Variants in PTPN12 observed in about 807,000 individuals in gnomAD.
The protein encoded by PTPN12 is protein tyrosine phosphatase non-receptor type 12.
In PTPN12, 29 loss-of-function variants were observed where a neutral mutation model predicts 97.6. The ratio of observed to expected loss-of-function variants is 0.30; its 90% CI spans 0.22 to 0.41. PTPN12 has a LOEUF of 0.41. Among genes scored for constraint, PTPN12 ranks in the 10% least tolerant of loss-of-function variants. The pLI is 1.00. For missense variants in PTPN12, 819 were observed against 926.0 expected (o/e 0.88, Z 1.50); for synonymous variants, 327 against 300.4 (o/e 1.09, Z -0.91).
At position 77,589,241 on chromosome 7, in the gene PTPN12, A is replaced by G. The variant is rs142523107; in HGVS notation, c.421-2944A>G. Among the ~76,000 whole-genome samples the G allele has an allele frequency of 2.2e-3, 332 of 152,248 alleles. 2 individuals carry two copies. The highest frequency in any genetic ancestry group is 0.01 in the Middle Eastern group (3 of 294). On this transcript the variant is annotated intron_variant, in intron 5 of 17. Coordinates refer to ENST00000248594, the MANE Select transcript of PTPN12 (RefSeq NM_002835.4). ...CCACAGTATGTTTTGTTTGTTTCCT[A>G]TCTTCAAAACTGAGAGAAGATAATT... is the stretch of plus-strand genomic sequence containing the variant.
At chr7:77,578,874 T>C (rs932472451) in intron 2 of PTPN12, among the ~76,000 whole-genome samples, 3 of 152,162 alleles carry the variant, frequency 2.0e-5, no homozygotes, top group African/African-American at 7.2e-5. Context: ...ACTTACTAAC[T>C]ATAAAAGGGA....
chr7:77,622,971 CTAA>C (rs999772842), intron 12 of PTPN12, among the ~76,000 whole-genome samples: 7 of 143,230 alleles, frequency 4.9e-5, no homozygotes, highest in Non-Finnish European at 1.1e-4. Flanking sequence ...TGTCACTGAA[CTAA>C]TAATAGTCTA....
intron 1 of PTPN12, among the ~76,000 whole-genome samples, chr7:77,539,457 A>G (rs1260596542): frequency 2.0e-5 from 3 of 152,250 alleles, no homozygotes; most frequent in African/African-American, 7.2e-5. Context: ...TTCCCTTTTT[A>G]CTATTGAGAG....
chr7:77,566,966 A>G (rs1173685007), intron 1 of PTPN12, among the ~76,000 whole-genome samples: 1 of 151,938 alleles, frequency 6.6e-6, no homozygotes, highest in Admixed American at 6.6e-5. Flanking sequence ...ATTAATGTTT[A>G]GTGCTATTCT....
Position 77,618,504 on chromosome 7 carries a change from G to C in PTPN12, c.964G>C (p.Val322Leu), listed in dbSNP as rs9640663. 6.2e-6 allele frequency: 10 copies of C among 1,602,190 alleles called. No individual in the cohort carries two copies. Among genetic ancestry groups the C allele is most frequent in the Non-Finnish European group, 7.7e-6 (9 of 1,172,106 alleles). ...GVNEINTENMVSSIEPEKQDS... is the reference protein window; with the variant it reads ...GVNEINTENMLSSIEPEKQDS... ...GAATGAAATTAACACTGAAAACATGGTCAGCTCCATAGAGCCTGAAAAACA... is the reference window on the plus strand; with the variant it reads ...GAATGAAATTAACACTGAAAACATGCTCAGCTCCATAGAGCCTGAAAAACA... The change falls in exon 12 of 18, where the codon GTC becomes CTC. Residue 322 changes from valine to leucine, a missense_variant. By Grantham distance (32) the Val-to-Leu change is conservative. Transcript: ENST00000248594.
rs796661336 is a variant in PTPN12, at chr7:77,615,467, C to T, written c.940-3013C>T. Among the ~76,000 whole-genome samples the T allele has an allele frequency of 7.4e-4, 113 of 152,292 alleles. 1 individual carries two copies. Among genetic ancestry groups the T allele is most frequent in the African/African-American group, 2.6e-3 (107 of 41,572 alleles). ...TTAAAACAAGAGAACACAGGCTAGG[C>T]GCCGTGGCTCATTTCATGCCTATAA... On this transcript the variant is annotated intron_variant, in intron 11 of 17. Transcript: ENST00000248594.
At position 77,627,198 on chromosome 7, in the gene PTPN12, T is replaced by G. The variant is rs1789223971; in HGVS notation, c.1519T>G (p.Ser507Ala). 1.2e-6 allele frequency: 2 copies of G among 1,613,982 alleles called. No homozygotes were observed. The highest frequency in any genetic ancestry group is 2.7e-5 in the African/African-American group (2 of 74,910). ...DCSVTQSNKV[S>A]VTPPEESQNS... ...CAGTGTAACACAATCAAACAAAGTT[T>G]CAGTTACTCCACCAGAAGAATCCCA... The change falls in exon 13 of 18, where the codon TCA (serine) becomes GCA (alanine). Residue 507 changes from serine to alanine, a missense_variant. Ser to Ala is a moderately conservative substitution (Grantham distance 99, BLOSUM62 1). Coordinates refer to ENST00000248594, the MANE Select transcript of PTPN12 (RefSeq NM_002835.4).
At chr7:77,613,824 C>T (rs1192109330) in intron 11 of PTPN12, among the ~76,000 whole-genome samples, 4 of 151,830 alleles carry the variant, frequency 2.6e-5, no homozygotes, top group Admixed American at 1.3e-4. Context: ...GCAATCCATC[C>T]GCCTCAGCCT....
Position 77,597,824 on chromosome 7 carries a change from A to C in PTPN12, c.493-18A>C. On this transcript the variant is annotated intron_variant, in intron 6 of 17. Coordinates refer to ENST00000248594, the MANE Select transcript of PTPN12 (RefSeq NM_002835.4). ...TTTTAACGTTTTCACTGACTTAGAA[A>C]TGTTTCTCTTTATTTAGGAGGATGA... The C allele has an allele frequency of 6.2e-7, 1 of 1,602,636 alleles. No individual in the cohort carries two copies. Among genetic ancestry groups the C allele is most frequent in the Non-Finnish European group, 8.5e-7 (1 of 1,175,678 alleles).
chr7:77,583,029 T>C (rs1024669016), intron 3 of PTPN12, among the ~76,000 whole-genome samples: 1 of 152,160 alleles, frequency 6.6e-6, no homozygotes, highest in South Asian at 2.1e-4. Context: ...ATTGTATGAG[T>C]CAGTTATGTA....
At chr7:77,638,252 C>G (rs1028859128) in intron 16 of PTPN12, among the ~76,000 whole-genome samples, 47 of 151,998 alleles carry the variant, frequency 3.1e-4, no homozygotes, top group African/African-American at 1.1e-3. Context: ...GCCACCGCGC[C>G]TGGCCTGACC....
chr7:77,549,093 A>G (rs142289233), intron 1 of PTPN12, among the ~76,000 whole-genome samples: 25 of 152,306 alleles, frequency 1.6e-4, no homozygotes, highest in Admixed American at 9.1e-4. Flanking sequence ...CTTGTTTTCA[A>G]TTTCCTGAAG....
At chr7:77,600,302 A>C (rs1788151037) in intron 7 of PTPN12, among the ~76,000 whole-genome samples, 2 of 151,870 alleles carry the variant, frequency 1.3e-5, no homozygotes, top group African/African-American at 2.4e-5. Context: ...TTAGTTAAAT[A>C]GTATATATAG....
At chr7:77,594,667 A>G (rs1159137607) in intron 6 of PTPN12, among the ~76,000 whole-genome samples, 2 of 152,074 alleles carry the variant, frequency 1.3e-5, no homozygotes, top group African/African-American at 4.8e-5. Flanking sequence ...ATGGGCCACT[A>G]CTAATTTTTG....
intron 7 of PTPN12, among the ~76,000 whole-genome samples, chr7:77,600,017 G>A (rs1183694030): frequency 3.3e-5 from 5 of 152,164 alleles, no homozygotes; most frequent in African/African-American, 1.2e-4. Flanking sequence ...TGTATTGGCT[G>A]TTAAAGAATA....
At chr7:77,558,222 A>AAAAAG (rs1807813831) in intron 1 of PTPN12, among the ~76,000 whole-genome samples, 5 of 151,586 alleles carry the variant, frequency 3.3e-5, no homozygotes, top group African/African-American at 9.7e-5. Context: ...AAAAAAAAAA[A>AAAAAG]AAAAAGAAAA....
rs536333952 is a variant in PTPN12, at chr7:77,637,422, AG to A, written c.2173+375del. Among the ~76,000 whole-genome samples, 938 of 152,336 alleles carry A rather than the reference AG, an allele frequency of 6.2e-3. 5 individuals are homozygous for A. The highest frequency in any genetic ancestry group is 0.037 in the Middle Eastern group (11 of 294). ...CTATTGTTTTAGAAATCTTCCTTTTAGTACTTTTTCATTTATTTGTGAAGAC... is the reference window on the plus strand; with the variant it reads ...CTATTGTTTTAGAAATCTTCCTTTTATACTTTTTCATTTATTTGTGAAGAC... On this transcript the variant is annotated intron_variant, in intron 16 of 17. Coordinates refer to ENST00000248594, the MANE Select transcript of PTPN12 (RefSeq NM_002835.4).
At chr7:77,540,949 G>A (rs1167696593) in intron 1 of PTPN12, among the ~76,000 whole-genome samples, 1 of 152,122 alleles carries the variant, frequency 6.6e-6, no homozygotes, top group African/African-American at 2.4e-5. Context: ...TAATAATAAT[G>A]CCTTACACTT....
At chr7:77,593,569 A>G (rs10270482) in intron 6 of PTPN12, among the ~76,000 whole-genome samples, 66,168 of 152,080 alleles carry the variant, frequency 0.44, 15,608 homozygotes, top group East Asian at 0.74. Context: ...AGGATGAGCC[A>G]ATGTTGCAGA....
Sources: allele counts gnomAD v4.1 joint callset (sites outside exome capture counted in the v4.1 genomes callset), GRCh38; gene constraint gnomAD v4.1.1; transcripts MANE v1.5; gene names NCBI Gene and HGNC (gene_info 2026-07-23, HGNC 2026-07-21).